Variants in ERI3 observed in about 807,000 individuals in gnomAD.
The protein encoded by ERI3 is ERI1 exoribonuclease 3.
ERI3 carries 18 observed loss-of-function variants against 44.4 expected under a neutral mutation model. That is an observed-to-expected ratio of 0.41 (90% confidence interval 0.28 to 0.60). The LOEUF is 0.60. ERI3 is among the 20% of genes least tolerant of loss of function. The pLI, the probability that ERI3 is intolerant of heterozygous loss-of-function variation, is 0.36. For missense variants in ERI3, 294 were observed against 435.5 expected, an observed-to-expected ratio of 0.68 and a Z score of 2.89; for synonymous variants, 183 against 164.8, an observed-to-expected ratio of 1.11 and a Z score of -0.84.
chr1:44,310,956 C>T (rs1321760331), intron 5 of ERI3, among the ~76,000 whole-genome samples: 4 of 74,028 alleles, frequency 5.4e-5, no homozygotes, highest in East Asian at 7.1e-4. Flanking sequence ...GCACATCGCG[C>T]GCGCGCGCAC....
intron 8 of ERI3, among the ~76,000 whole-genome samples, chr1:44,227,162 T>G (rs1224094667): frequency 1.3e-5 from 2 of 152,136 alleles, no homozygotes; most frequent in African/African-American, 4.8e-5. Context: ...TAAAGGAACA[T>G]GCAGACACAT....
In ERI3 at chr1:44,248,149, T is replaced by C. The variant is rs1644594655; in HGVS notation, c.832-111A>G. The C allele has an allele frequency of 9.4e-6, 6 of 639,830 alleles. No individual in the cohort carries two copies. In the South Asian group the frequency reaches 1.0e-4, roughly 11 times the overall value. The allele number at this position is 639,830 out of a possible 1,614,324, so 39.6% of individuals were successfully genotyped here. A position where few individuals can be genotyped will look rare whatever the true frequency, so the allele number is the denominator to read the frequency against. ...TCTTTCCAACAAGGAATCCCTCTCATAATGCCATCTCGTGAGAGTCCCTTC... is the reference window on the plus strand; with the variant it reads ...TCTTTCCAACAAGGAATCCCTCTCACAATGCCATCTCGTGAGAGTCCCTTC... On this transcript the variant is annotated intron_variant, in intron 7 of 8. Transcript: ENST00000372257.
At chr1:44,301,071 G>A (rs753473478) in intron 6 of ERI3, among the ~76,000 whole-genome samples, 1 of 150,400 alleles carries the variant, frequency 6.6e-6, no homozygotes, top group Non-Finnish European at 1.5e-5. Context: ...GGAGGGAGGG[G>A]AGGGGCAGCA....
chr1:44,352,423 T>C (rs1369186427), intron 2 of ERI3, among the ~76,000 whole-genome samples: 1 of 148,028 alleles, frequency 6.8e-6, no homozygotes, highest in Non-Finnish European at 1.5e-5. Context: ...GATAGATAGA[T>C]AGATAGATAG....
Position 44,228,689 on chromosome 1 carries a change from TGGAGGG to T in ERI3, c.932-7055_932-7050del, listed in dbSNP as rs1644105276. Among the ~76,000 whole-genome samples, 1 of 151,830 alleles carries T rather than the reference TGGAGGG, an allele frequency of 6.6e-6. No individual in the cohort carries two copies. The highest frequency in any genetic ancestry group is 6.6e-5 in the Admixed American group (1 of 15,246). On this transcript the variant is annotated intron_variant, in intron 8 of 8. Coordinates refer to ENST00000372257, the MANE Select transcript of ERI3 (RefSeq NM_024066.3). This position sits in a 1 kb window ranked among gnomAD's most constrained non-coding sequence, Gnocchi z 4.3. ...TCACAGCCACTTGGGGGCAGTGGGGTGGAGGGGGGGATGTGCCTGGCCGGGAGGGCA... is the reference window on the plus strand; with the variant it reads ...TCACAGCCACTTGGGGGCAGTGGGGTGGGGATGTGCCTGGCCGGGAGGGCA...
chr1:44,303,000 A>G (rs906296827), intron 6 of ERI3, among the ~76,000 whole-genome samples: 15 of 152,274 alleles, frequency 9.9e-5, no homozygotes, highest in African/African-American at 3.1e-4. Flanking sequence ...AAATGACATC[A>G]TATGTGTAAA....
intron 4 of ERI3, among the ~76,000 whole-genome samples, chr1:44,318,354 C>T (rs1162574350): frequency 6.6e-6 from 1 of 152,146 alleles, no homozygotes; most frequent in African/African-American, 2.4e-5. Context: ...TCCTTCCCTT[C>T]GCATAAGCAA....
chr1:44,280,431 C>G (rs1645262682), intron 7 of ERI3, among the ~76,000 whole-genome samples: 1 of 152,210 alleles, frequency 6.6e-6, no homozygotes, highest in Non-Finnish European at 1.5e-5. Context: ...ACCTGGACCA[C>G]AGAAACAGCC....
intron 8 of ERI3, among the ~76,000 whole-genome samples, chr1:44,246,989 C>T (rs773086753): frequency 2.3e-4 from 35 of 152,294 alleles, no homozygotes; most frequent in Middle Eastern, 3.4e-3. Context: ...TGGAACAAGG[C>T]CTATGCTTGG....
intron 1 of ERI3, chr1:44,353,421 T>A (rs1463443176): frequency 1.0e-6 from 1 of 985,292 alleles, no homozygotes; most frequent in African/African-American, 1.7e-5. Context: ...AAATCCCAAG[T>A]CAAAACATCA....
intron 8 of ERI3, among the ~76,000 whole-genome samples, chr1:44,222,371 G>T (rs1643921638): frequency 6.6e-6 from 1 of 152,254 alleles, no homozygotes; most frequent in African/African-American, 2.4e-5. Flanking sequence ...ATCGGCGGAA[G>T]CCCTGCTTCT....
chr1:44,289,145 G>A lies in ERI3; in HGVS notation c.759-4238C>T, dbSNP rs187289416. On this transcript the variant is annotated intron_variant, in intron 6 of 8. Coordinates refer to ENST00000372257, the MANE Select transcript of ERI3 (RefSeq NM_024066.3). ...GAGGGCCGGAATGACATCACTGATG[G>A]CCAATAGAAAAGAGCCAATTATGTC... 2.1e-4 allele frequency among the ~76,000 whole-genome samples: 32 copies of A among 152,290 alleles called. No individual in the cohort carries two copies. The East Asian group carries it at 5.2e-3, about 25-fold the overall frequency.
chr1:44,312,276 T>C (rs1034761816), intron 5 of ERI3, among the ~76,000 whole-genome samples: 4 of 152,208 alleles, frequency 2.6e-5, no homozygotes, highest in African/African-American at 7.2e-5. Context: ...CTATGCTTGA[T>C]AAGGTCTGAG....
intron 7 of ERI3, among the ~76,000 whole-genome samples, chr1:44,250,316 C>T (rs1296489089): frequency 2.6e-5 from 4 of 152,340 alleles, no homozygotes; most frequent in African/African-American, 7.2e-5. Context: ...GTTATCTGCA[C>T]GTCATCCTGA....
At chr1:44,328,304 C>T (rs2154330086) in intron 3 of ERI3, among the ~76,000 whole-genome samples, 1 of 146,454 alleles carries the variant, frequency 6.8e-6, no homozygotes, top group South Asian at 2.1e-4. Flanking sequence ...AGGCAGGAAT[C>T]ACTCCCCTGT....
chr1:44,322,384 A>C (rs554094406), intron 3 of ERI3, among the ~76,000 whole-genome samples: 5 of 137,086 alleles, frequency 3.6e-5, no homozygotes, highest in Admixed American at 1.5e-4. Flanking sequence ...GGATCCACGC[A>C]AAAAAAAAAA....
At chr1:44,257,990 T>C (rs1034931507) in intron 7 of ERI3, among the ~76,000 whole-genome samples, 7 of 152,204 alleles carry the variant, frequency 4.6e-5, no homozygotes, top group African/African-American at 1.7e-4. Context: ...GGCTAGGGAC[T>C]GCAGCTTGAA....
chr1:44,315,180 T>C (rs185950363), intron 4 of ERI3, among the ~76,000 whole-genome samples: 2 of 152,336 alleles, frequency 1.3e-5, no homozygotes, highest in East Asian at 3.9e-4. Flanking sequence ...AATGTTAGTC[T>C]TGTGTCTGGT....
chr1:44,254,220 A>C (rs889534189), intron 7 of ERI3, among the ~76,000 whole-genome samples: 1 of 151,936 alleles, frequency 6.6e-6, no homozygotes, highest in African/African-American at 2.4e-5. Context: ...TGCTCTAATG[A>C]GCTTCTCCTC....
Sources: gnomAD v4.1 joint callset for allele counts (sites outside exome capture counted in the v4.1 genomes callset) on GRCh38, gnomAD v4.1.1 for gene constraint, Gnocchi (gnomAD v3.1) non-coding constraint, MANE v1.5 for transcripts, NCBI Gene and HGNC (gene_info 2026-07-23, HGNC 2026-07-21) for gene names.